GRM1: variants seen among roughly 807,000 people sequenced by gnomAD.
GRM1 encodes metabotropic glutamate receptor 1.
GRM1 carries 33 observed loss-of-function variants against 90.9 expected under a neutral mutation model. The observed-to-expected ratio is 0.36, with a 90% CI of 0.28 to 0.49. The LOEUF (loss-of-function observed/expected upper bound fraction) is 0.49. GRM1 is among the 20% of genes least tolerant of loss of function. The pLI is 0.99. For synonymous variants in GRM1, 700 were observed against 613.2 expected, an observed-to-expected ratio of 1.14 and a Z score of -2.09; for missense variants, 1,190 against 1,534.3, an observed-to-expected ratio of 0.78 and a Z score of 3.75.
intron 6 of GRM1, among the ~76,000 whole-genome samples, chr6:146,397,818 TTGAC>T (rs1255654861): frequency 6.6e-6 from 1 of 152,232 alleles, no homozygotes; most frequent in Non-Finnish European, 1.5e-5. Context: ...AAGTTGTTGA[TTGAC>T]TGACAGGTTT....
chr6:146,395,087 A>G (rs1452930973), intron 6 of GRM1, among the ~76,000 whole-genome samples: 2 of 151,994 alleles, frequency 1.3e-5, no homozygotes, highest in South Asian at 2.1e-4. Flanking sequence ...TGAGATATCT[A>G]CAGATTTTCT....
chr6:146,275,130 C>G (rs1386578645), intron 2 of GRM1, among the ~76,000 whole-genome samples: 1 of 152,094 alleles, frequency 6.6e-6, no homozygotes, highest in Admixed American at 6.6e-5. Flanking sequence ...CTGCAATGAG[C>G]TAAACTAAGT....
At chr6:146,169,535 G>A (rs1363001562) in intron 2 of GRM1, among the ~76,000 whole-genome samples, 5 of 152,080 alleles carry the variant, frequency 3.3e-5, no homozygotes, top group Non-Finnish European at 7.4e-5. Context: ...AAGACTGGAG[G>A]GAATCCCTCC....
intron 2 of GRM1, among the ~76,000 whole-genome samples, chr6:146,260,251 G>T (rs1261290179): frequency 6.6e-6 from 1 of 151,952 alleles, no homozygotes. Context: ...AATATGTGGT[G>T]TTTGGTTTCT....
At chr6:146,318,840 G>A (rs144126262) in intron 3 of GRM1, among the ~76,000 whole-genome samples, 1 of 152,080 alleles carries the variant, frequency 6.6e-6, no homozygotes, top group Non-Finnish European at 1.5e-5. Context: ...CCCACTTTTT[G>A]ATGGGGTTGT....
intron 2 of GRM1, among the ~76,000 whole-genome samples, chr6:146,226,325 A>G (rs905827896): frequency 6.6e-6 from 1 of 152,148 alleles, no homozygotes; most frequent in African/African-American, 2.4e-5. Flanking sequence ...GGAAAAATCA[A>G]CTTCAAGTGA....
intron 3 of GRM1, among the ~76,000 whole-genome samples, chr6:146,345,072 A>G (rs1436828455): frequency 6.6e-6 from 1 of 152,168 alleles, no homozygotes; most frequent in African/African-American, 2.4e-5. Context: ...CAGCCTCCCA[A>G]AGTGCTGGGA....
At position 146,371,490 on chromosome 6, in the gene GRM1, C is replaced by T. The variant is rs143710536; in HGVS notation, c.1602+13796C>T. ...ACAAACAATCCAATTACAATCTTTA[C>T]GATATTTTAAAATGTAAAATCCAGT... is the stretch of plus-strand genomic sequence containing the variant. On this transcript the variant is annotated intron_variant, in intron 5 of 7. Transcript: ENST00000282753. Among the ~76,000 whole-genome samples the T allele has an allele frequency of 3.7e-3, 564 of 152,102 alleles. 3 individuals are homozygous for T. The highest frequency in any genetic ancestry group is 0.01 in the Middle Eastern group (3 of 294).
At position 146,029,963 on chromosome 6, in the gene GRM1, C is replaced by G. The variant is rs199749018; in HGVS notation, c.446C>G (p.Pro149Arg). ...RCLPDGQSLP[P>R]GRTKKPIAGV... ...CTGCCTGACGGCCAGTCCCTCCCCC[C>G]AGGCAGGACTAAGAAGCCCATTGCG... Residue 149 changes from proline to arginine, a missense_variant, in exon 1 of 8, where the codon CCA (proline) becomes CGA (arginine). Physicochemically the swap from Pro to Arg is moderately radical, Grantham distance 103. Transcript: ENST00000282753. The G allele has an allele frequency of 8.1e-6, 13 of 1,614,008 alleles. No individual in the cohort carries two copies. The highest frequency in any genetic ancestry group is 5.0e-5 in the Admixed American group (3 of 60,008).
Position 146,436,629 on chromosome 6 carries a change from T to G in GRM1, c.*1833T>G, listed in dbSNP as rs536458514. The G allele has an allele frequency of 6.5e-6, 1 of 152,694 alleles. No homozygotes were observed. The highest frequency in any genetic ancestry group is 1.9e-4 in the East Asian group (1 of 5,184). 9.5% of individuals were successfully genotyped at this position (152,694 alleles called of 1,614,324 possible). On this transcript the variant is annotated 3_prime_UTR_variant, in exon 8 of 8. Coordinates refer to ENST00000282753, the MANE Select transcript of GRM1 (RefSeq NM_001278064.2). ...TTTTTATTTCTGCTATTTGCTGTTG[T>G]GTAATATCCATGGACATGTAATCCA...
chr6:146,127,242 C>T (rs748646126), intron 1 of GRM1, among the ~76,000 whole-genome samples: 33 of 152,168 alleles, frequency 2.2e-4, no homozygotes, highest in Non-Finnish European at 4.4e-4. Flanking sequence ...CCAGGGGCTA[C>T]ACTGAACATC....
At chr6:146,323,478 A>G (rs1470004674) in intron 3 of GRM1, among the ~76,000 whole-genome samples, 6 of 152,032 alleles carry the variant, frequency 3.9e-5, no homozygotes, top group Non-Finnish European at 8.8e-5. Context: ...TTCATTGTAG[A>G]TTCTGGATAT....
chr6:146,327,211 A>C (rs6903097), intron 3 of GRM1, among the ~76,000 whole-genome samples: 1 of 152,104 alleles, frequency 6.6e-6, no homozygotes, highest in African/African-American at 2.4e-5. Flanking sequence ...TTTAGTCATC[A>C]TATCACCATA....
At chr6:146,127,607 A>G (rs1201784991) in intron 1 of GRM1, among the ~76,000 whole-genome samples, 1 of 152,148 alleles carries the variant, frequency 6.6e-6, no homozygotes, top group Non-Finnish European at 1.5e-5. Context: ...TTAGCTGGGC[A>G]TTCTTGAGTG....
At chr6:146,153,582 A>T (rs1189199744) in intron 1 of GRM1, among the ~76,000 whole-genome samples, 2 of 152,170 alleles carry the variant, frequency 1.3e-5, no homozygotes, top group South Asian at 2.1e-4. Flanking sequence ...ATTGCTGTTC[A>T]GATGAGAACA....
At chr6:146,405,962 T>C (rs1777332915) in intron 7 of GRM1, among the ~76,000 whole-genome samples, 2 of 152,218 alleles carry the variant, frequency 1.3e-5, no homozygotes, top group Admixed American at 6.5e-5. Flanking sequence ...GTTTCAGTGC[T>C]ATAATCTGGG....
At chr6:146,268,535 G>GAA (rs1391168911) in intron 2 of GRM1, among the ~76,000 whole-genome samples, 5 of 152,090 alleles carry the variant, frequency 3.3e-5, no homozygotes, top group African/African-American at 1.2e-4. Context: ...ATGCTTGATA[G>GAA]TATTAGGCAC....
intron 1 of GRM1, among the ~76,000 whole-genome samples, chr6:146,122,839 C>CTTTTTTTTTTTTTTT (rs57859188): frequency 8.5e-4 from 53 of 62,220 alleles, no homozygotes; most frequent in East Asian, 1.1e-3. Context: ...TCTTTTCTTT[C>CTTTTTTTTTTTTTTT]TTTTTTTTTT....
chr6:146,414,403 T>TATTA (rs1777690387), intron 7 of GRM1, among the ~76,000 whole-genome samples: 1 of 150,306 alleles, frequency 6.7e-6, no homozygotes, highest in Non-Finnish European at 1.5e-5. Context: ...TTATTATTAT[T>TATTA]ATTTTTGTTG....
Sources: allele counts gnomAD v4.1 joint callset (sites outside exome capture counted in the v4.1 genomes callset), GRCh38; gene constraint gnomAD v4.1.1; transcripts MANE v1.5; gene names NCBI Gene and HGNC (gene_info 2026-07-23, HGNC 2026-07-21).